SNTG1: variants seen among roughly 807,000 people sequenced by gnomAD.
SNTG1 encodes the protein syntrophin gamma 1.
In SNTG1, 39 loss-of-function variants were observed where a neutral mutation model predicts 74.7. The ratio of observed to expected loss-of-function variants is 0.52; its 90% CI spans 0.40 to 0.68. SNTG1 has a LOEUF of 0.68. Among genes scored for constraint, SNTG1 ranks in the 30% least tolerant of loss-of-function variants. The pLI is 0.00. For missense variants in SNTG1, 685 were observed against 609.5 expected (o/e 1.12, Z -1.30); for synonymous variants, 254 against 217.1 (o/e 1.17, Z -1.49).
At chr8:50,534,841 T>G (rs371615797) in intron 10 of SNTG1, among the ~76,000 whole-genome samples, 1 of 152,282 alleles carries the variant, frequency 6.6e-6, no homozygotes, top group Non-Finnish European at 1.5e-5. Flanking sequence ...AGCTTTGTTT[T>G]TCAAAGATGT....
intron 2 of SNTG1, among the ~76,000 whole-genome samples, chr8:50,319,278 C>T (rs534742312): frequency 5.3e-5 from 8 of 152,152 alleles, no homozygotes; most frequent in South Asian, 2.1e-4. Context: ...GCAGGAGAAT[C>T]GCTTGAACCT....
intron 2 of SNTG1, among the ~76,000 whole-genome samples, chr8:50,315,729 T>C (rs2090290848): frequency 1.4e-5 from 2 of 138,140 alleles, no homozygotes; most frequent in African/African-American, 6.0e-5. Flanking sequence ...AATCTTTCAT[T>C]CAAAACCATT....
At chr8:50,719,223 C>T (rs2095481893) in intron 17 of SNTG1, among the ~76,000 whole-genome samples, 1 of 152,092 alleles carries the variant, frequency 6.6e-6, no homozygotes, top group Non-Finnish European at 1.5e-5. Flanking sequence ...AACCTAATAC[C>T]TCATGTGATA....
intron 2 of SNTG1, among the ~76,000 whole-genome samples, chr8:50,227,601 T>TA (rs777521882): frequency 4.2e-4 from 64 of 152,212 alleles, no homozygotes; most frequent in Non-Finnish European, 7.9e-4. Context: ...CATCAGGTTG[T>TA]AGAATGATTC....
intron 2 of SNTG1, among the ~76,000 whole-genome samples, chr8:50,371,200 A>C (rs952952477): frequency 1.3e-5 from 2 of 152,186 alleles, no homozygotes; most frequent in African/African-American, 4.8e-5. Context: ...TGAATGCTTA[A>C]CCATTGGTCA....
At chr8:50,551,257 G>A (rs572391765) in intron 11 of SNTG1, among the ~76,000 whole-genome samples, 1 of 152,066 alleles carries the variant, frequency 6.6e-6, no homozygotes, top group Non-Finnish European at 1.5e-5. Context: ...GTTCATAAAA[G>A]AGTTTCCATA....
At position 50,402,314 on chromosome 8, in the gene SNTG1, ATG is replaced by A; in HGVS notation, c.138_139del (p.Ser47TrpfsTer2). The A allele has an allele frequency of 6.2e-7, 1 of 1,611,362 alleles. No individual in the cohort carries two copies. The highest frequency in any genetic ancestry group is 8.5e-7 in the Non-Finnish European group (1 of 1,179,388). ...ILMIQEQDVI[C>X]VSGEPFYSGE... ...TGATGATCCAGGAACAGGATGTGATATGTGTGTCTGGTGAGCCTTTCTATTCT... is the reference window on the plus strand; with the variant it reads ...TGATGATCCAGGAACAGGATGTGATATGTGTCTGGTGAGCCTTTCTATTCT... On this transcript the variant is annotated frameshift_variant, in exon 4 of 19. Transcript: ENST00000642720. LOFTEE classifies it high-confidence loss of function.
intron 2 of SNTG1, among the ~76,000 whole-genome samples, chr8:50,215,390 G>A (rs1031285311): frequency 6.8e-6 from 1 of 146,950 alleles, no homozygotes; most frequent in African/African-American, 2.5e-5. Context: ...ATATATATAT[G>A]TGTATATATA....
intron 17 of SNTG1, among the ~76,000 whole-genome samples, chr8:50,735,452 T>C (rs1024068328): frequency 4.0e-5 from 6 of 151,698 alleles, no homozygotes; most frequent in African/African-American, 1.5e-4. Flanking sequence ...CTGAGAAACA[T>C]AGCACAAGAA....
At chr8:50,335,337 G>A (rs1004939928) in intron 2 of SNTG1, among the ~76,000 whole-genome samples, 7 of 152,218 alleles carry the variant, frequency 4.6e-5, no homozygotes, top group Non-Finnish European at 8.8e-5. Flanking sequence ...AGCATCCACT[G>A]CTTTGCTTAT....
chr8:50,077,456 C>T (rs1015748855), intron 1 of SNTG1, among the ~76,000 whole-genome samples: 1 of 152,024 alleles, frequency 6.6e-6, no homozygotes, highest in South Asian at 2.1e-4. Flanking sequence ...GAATTCAAAT[C>T]AGTTTAGTTT....
intron 13 of SNTG1, among the ~76,000 whole-genome samples, chr8:50,629,503 G>C (rs2094981109): frequency 1.3e-5 from 2 of 151,696 alleles, no homozygotes; most frequent in African/African-American, 2.4e-5. Context: ...AATCCTTACT[G>C]TCCATACTCA....
chr8:50,472,824 A>G (rs539713611), intron 8 of SNTG1, among the ~76,000 whole-genome samples: 82 of 152,258 alleles, frequency 5.4e-4, no homozygotes, highest in Admixed American at 1.2e-3. Context: ...TAACAACAAC[A>G]ACAACAACAA....
chr8:50,114,069 G>T (rs1414967826), intron 1 of SNTG1, among the ~76,000 whole-genome samples: 1 of 152,042 alleles, frequency 6.6e-6, no homozygotes, highest in East Asian at 1.9e-4. Context: ...TCTAGGAATA[G>T]ATTGAGAATA....
At chr8:49,959,862 T>A (rs1298004515) in intron 1 of SNTG1, among the ~76,000 whole-genome samples, 1 of 152,230 alleles carries the variant, frequency 6.6e-6, no homozygotes, top group Non-Finnish European at 1.5e-5. Context: ...TGCTTATCCA[T>A]GAATGTTACT....
At chr8:49,916,888 T>C (rs1403608417) in intron 1 of SNTG1, among the ~76,000 whole-genome samples, 1 of 151,314 alleles carries the variant, frequency 6.6e-6, no homozygotes, top group South Asian at 2.1e-4. Context: ...TATCTGGGTG[T>C]GGTGAATGTG....
chr8:50,545,734 A>T (rs941322384), intron 11 of SNTG1, among the ~76,000 whole-genome samples: 5 of 152,052 alleles, frequency 3.3e-5, no homozygotes, highest in Admixed American at 3.3e-4. Flanking sequence ...TGACAGTAGA[A>T]TTTCTAGTTT....
At chr8:50,668,476 ATGTTCTTCATCT>A (rs1481625782) in intron 15 of SNTG1, among the ~76,000 whole-genome samples, 2 of 150,008 alleles carry the variant, frequency 1.3e-5, no homozygotes, top group African/African-American at 4.9e-5. Context: ...AGAGATACCT[ATGTTCTTCATCT>A]TTCGCACATT....
At chr8:50,521,475 G>T (rs974443916) in intron 9 of SNTG1, among the ~76,000 whole-genome samples, 6 of 152,090 alleles carry the variant, frequency 3.9e-5, no homozygotes, top group African/African-American at 1.4e-4. Context: ...CTGATTTGCA[G>T]CTTTTTTGTT....
Sources: allele counts gnomAD v4.1 joint callset (sites outside exome capture counted in the v4.1 genomes callset), GRCh38; gene constraint gnomAD v4.1.1; transcripts MANE v1.5; gene names NCBI Gene and HGNC (gene_info 2026-07-23, HGNC 2026-07-21).